Variants in MAGI2 observed in about 807,000 individuals in gnomAD.
MAGI2 encodes the protein membrane-associated guanylate kinase, WW and PDZ domain-containing protein 2.
A neutral mutation model predicts 133.3 loss-of-function variants in MAGI2; 35 were observed. The observed-to-expected ratio is 0.26, with a 90% CI of 0.20 to 0.35. MAGI2 has a LOEUF of 0.35. MAGI2 is among the 10% of genes least tolerant of loss of function. The pLI is 1.00. For synonymous variants in MAGI2, 729 were observed against 710.6 expected, an observed-to-expected ratio of 1.03 and a Z score of -0.41; for missense variants, 1,636 against 1,863.4, an observed-to-expected ratio of 0.88 and a Z score of 2.25.
intron 1 of MAGI2, among the ~76,000 whole-genome samples, chr7:79,176,312 C>T (rs1246008659): frequency 6.6e-6 from 1 of 151,908 alleles, no homozygotes; most frequent in Non-Finnish European, 1.5e-5. Flanking sequence ...AGTATAAAGA[C>T]CTCACCCTCT....
intron 2 of MAGI2, among the ~76,000 whole-genome samples, chr7:78,645,370 GATA>G (rs1026768266): frequency 6.6e-6 from 1 of 151,946 alleles, no homozygotes; most frequent in African/African-American, 2.4e-5. Flanking sequence ...AAAATTGCAG[GATA>G]ATATTCCTCA....
At chr7:78,776,658 C>T (rs1177018024) in intron 2 of MAGI2, among the ~76,000 whole-genome samples, 1 of 152,188 alleles carries the variant, frequency 6.6e-6, no homozygotes, top group Non-Finnish European at 1.5e-5. Context: ...ATGCATCACA[C>T]TTGTCAGTTA....
intron 1 of MAGI2, among the ~76,000 whole-genome samples, chr7:79,405,185 C>T (rs1466332397): frequency 6.6e-6 from 1 of 152,094 alleles, no homozygotes; most frequent in African/African-American, 2.4e-5. Flanking sequence ...AATTTTGCAG[C>T]TTGTTAGTTT....
chr7:78,534,859 G>T (rs1797750084), intron 3 of MAGI2, among the ~76,000 whole-genome samples: 1 of 152,198 alleles, frequency 6.6e-6, no homozygotes, highest in Non-Finnish European at 1.5e-5. Flanking sequence ...GTAAGGCCAG[G>T]TGCAGTGGCT....
chr7:78,757,568 A>T (rs952899202), intron 2 of MAGI2, among the ~76,000 whole-genome samples: 2 of 152,128 alleles, frequency 1.3e-5, no homozygotes, highest in African/African-American at 4.8e-5. Flanking sequence ...TTGAACTCTC[A>T]ATGTCACTAA....
In MAGI2 at chr7:79,023,470, G is replaced by A. The variant is rs189139176; in HGVS notation, c.302-16264C>T. ...CACCACTCCTATTTAACATAGTGCC[G>A]AAAATCCTAGCCAGAGAAATCTGGC... On this transcript the variant is annotated intron_variant, in intron 1 of 21. Transcript: ENST00000354212. 2.3e-3 allele frequency among the ~76,000 whole-genome samples: 356 copies of A among 152,184 alleles called. 6 individuals carry two copies. The highest frequency in any genetic ancestry group is 7.9e-4 in the Non-Finnish European group (54 of 67,992).
rs553755080 is a variant in MAGI2, at chr7:78,856,843, A to G, written c.418+150247T>C. On this transcript the variant is annotated intron_variant, in intron 2 of 21. Coordinates refer to ENST00000354212, the MANE Select transcript of MAGI2 (RefSeq NM_012301.4). ...ATTGAATCTATAAAGTACCACGGGC[A>G]GTGTGGCCATTTTCACAATATTGAT... Among the ~76,000 whole-genome samples, 4 of 152,332 alleles carry G rather than the reference A, an allele frequency of 2.6e-5. No homozygotes were observed. In the East Asian group the frequency reaches 7.7e-4, roughly 29 times the overall value.
intron 1 of MAGI2, among the ~76,000 whole-genome samples, chr7:79,108,452 A>C (rs1413539820): frequency 6.6e-6 from 1 of 152,218 alleles, no homozygotes; most frequent in Non-Finnish European, 1.5e-5. Flanking sequence ...TCATCTCTAC[A>C]ACAGACATGT....
chr7:79,369,883 C>G (rs1027974992), intron 1 of MAGI2, among the ~76,000 whole-genome samples: 4 of 152,084 alleles, frequency 2.6e-5, no homozygotes, highest in Non-Finnish European at 5.9e-5. Flanking sequence ...TACTCCATTT[C>G]TATTCATATT....
intron 1 of MAGI2, among the ~76,000 whole-genome samples, chr7:79,028,752 C>T (rs746041293): frequency 6.6e-6 from 1 of 152,092 alleles, no homozygotes; most frequent in Non-Finnish European, 1.5e-5. Flanking sequence ...TTGCTCGGTG[C>T]TACTTTTAAA....
At chr7:78,586,218 C>T (rs906979883) in intron 3 of MAGI2, among the ~76,000 whole-genome samples, 3 of 152,158 alleles carry the variant, frequency 2.0e-5, no homozygotes. Context: ...TTAGTTTCCT[C>T]CCTCTCTGGA....
intron 6 of MAGI2, among the ~76,000 whole-genome samples, chr7:78,440,472 G>C (rs534080072): frequency 4.9e-4 from 75 of 152,238 alleles, no homozygotes; most frequent in Non-Finnish European, 7.5e-4. Context: ...AAGAGACACC[G>C]TGAAGGCAAA....
intron 1 of MAGI2, among the ~76,000 whole-genome samples, chr7:79,251,305 T>C (rs1268316068): frequency 2.6e-5 from 4 of 151,826 alleles, no homozygotes; most frequent in African/African-American, 9.7e-5. Flanking sequence ...CAACAACCCA[T>C]AGAATGAGAG....
At chr7:78,069,694 C>T (rs1814278053) in intron 21 of MAGI2, among the ~76,000 whole-genome samples, 4 of 152,100 alleles carry the variant, frequency 2.6e-5, no homozygotes, top group Admixed American at 6.5e-5. Flanking sequence ...CCCACAATCC[C>T]CGGTTGTGTA....
chr7:78,125,661 T>G, intron 20 of MAGI2, 33 bp downstream of exon 20: 1 of 1,584,426 alleles, frequency 6.3e-7, no homozygotes. Context: ...TCTTTCAGAA[T>G]TAAGCAATTC....
At chr7:79,444,747 T>A (rs1302266264) in intron 1 of MAGI2, among the ~76,000 whole-genome samples, 1 of 152,132 alleles carries the variant, frequency 6.6e-6, no homozygotes, top group Non-Finnish European at 1.5e-5. Flanking sequence ...CCCAAGGTAA[T>A]TTATAGATTC....
At position 78,030,490 on chromosome 7, in the gene MAGI2, T is replaced by TCCAAG. The variant is rs1563024173; in HGVS notation, c.3707-10515_3707-10514insCTTGG. On this transcript the variant is annotated intron_variant, in intron 21 of 21. Transcript: ENST00000354212. ...CAGGATGGTCTTGATCTCTTGACCTTATGATCCACCCACCTTGGCCTCCCA... is the reference window on the plus strand; with the variant it reads ...CAGGATGGTCTTGATCTCTTGACCTTCCAAGATGATCCACCCACCTTGGCCTCCCA... 7.9e-5 allele frequency among the ~76,000 whole-genome samples: 12 copies of TCCAAG among 152,200 alleles called. No homozygotes were observed. In the East Asian group the frequency reaches 2.3e-3, roughly 29 times the overall value.
At chr7:78,747,703 G>T (rs76175402) in intron 2 of MAGI2, among the ~76,000 whole-genome samples, 1 of 152,096 alleles carries the variant, frequency 6.6e-6, no homozygotes, top group Non-Finnish European at 1.5e-5. Flanking sequence ...TAGAAGGTTT[G>T]GTCTGTTTTA....
At chr7:78,657,770 T>C (rs945546803) in intron 2 of MAGI2, among the ~76,000 whole-genome samples, 1 of 152,198 alleles carries the variant, frequency 6.6e-6, no homozygotes, top group Non-Finnish European at 1.5e-5. Flanking sequence ...ACTCATAGAA[T>C]ATACAACACC....
Sources: allele counts gnomAD v4.1 joint callset (sites outside exome capture counted in the v4.1 genomes callset), GRCh38; gene constraint gnomAD v4.1.1; transcripts MANE v1.5; gene names NCBI Gene and HGNC (gene_info 2026-07-23, HGNC 2026-07-21).